The following CCDC73 variants were observed in gnomAD, a reference collection of about 807,000 sequenced individuals.
The protein encoded by CCDC73 is coiled-coil domain containing 73.
A neutral mutation model predicts 116.5 loss-of-function variants in CCDC73; 95 were observed. That is an observed-to-expected ratio of 0.82 (90% CI 0.69 to 0.97). The LOEUF (loss-of-function observed/expected upper bound fraction) is 0.97. Among genes scored for constraint, CCDC73 ranks in the 50% least tolerant of loss-of-function variants. The pLI is 0.00. For synonymous variants in CCDC73, 398 were observed against 401.3 expected (o/e 0.99, Z 0.10); for missense variants, 1,066 against 1,206.8 (o/e 0.88, Z 1.73).
intron 1 of CCDC73, among the ~76,000 whole-genome samples, chr11:32,793,617 A>AT (rs201136944): frequency 0.036 from 3,734 of 102,630 alleles, 135 homozygotes; most frequent in African/African-American, 0.11. Context: ...ATTTTATTTT[A>AT]TTTTATTTTT....
intron 6 of CCDC73, among the ~76,000 whole-genome samples, chr11:32,686,820 T>C (rs769077021): frequency 6.6e-6 from 1 of 152,214 alleles, no homozygotes; most frequent in Non-Finnish European, 1.5e-5. Context: ...TATAATTGGA[T>C]TGACATGTAG....
chr11:32,717,634 A>G (rs1005517427), intron 3 of CCDC73, among the ~76,000 whole-genome samples: 4 of 152,258 alleles, frequency 2.6e-5, no homozygotes, highest in Non-Finnish European at 4.4e-5. Flanking sequence ...TAACTTGGCA[A>G]TAAGGATTAG....
At chr11:32,636,797 G>T (rs1356523897) in intron 13 of CCDC73, among the ~76,000 whole-genome samples, 2 of 151,508 alleles carry the variant, frequency 1.3e-5, no homozygotes, top group Non-Finnish European at 2.9e-5. Context: ...TCTCTGCAAG[G>T]TATTTCTTTT....
intron 2 of CCDC73, among the ~76,000 whole-genome samples, chr11:32,726,346 CT>C (rs1294449923): frequency 2.0e-5 from 3 of 151,880 alleles, no homozygotes; most frequent in Non-Finnish European, 4.4e-5. Flanking sequence ...CCACAGAGGA[CT>C]GAAAATTATA....
chr11:32,722,023 CA>C, intron 2 of CCDC73, among the ~76,000 whole-genome samples: 1 of 152,058 alleles, frequency 6.6e-6, no homozygotes, highest in Non-Finnish European at 1.5e-5. Context: ...CCGCAAGTAA[CA>C]ACAACAAAAT....
rs544268593 is a variant in CCDC73 at position 32,745,501 on chromosome 11, G to A, written c.135+14608C>T. 1.6e-4 allele frequency among the ~76,000 whole-genome samples: 24 copies of A among 152,238 alleles called. No individual in the cohort carries two copies. The East Asian group carries it at 2.5e-3, about 16-fold the overall frequency. On this transcript the variant is annotated intron_variant, in intron 2 of 17. Coordinates refer to ENST00000335185, the MANE Select transcript of CCDC73 (RefSeq NM_001008391.4). ...GTTGATCTAATATTGACATTGGGGT[G>A]TTAAAGTCTCCCACTATTATTGTGT...
rs755415957 is a variant in CCDC73, at chr11:32,603,013, G to T, written c.3038C>A (p.Thr1013Lys). 3.7e-5 allele frequency: 59 copies of T among 1,590,358 alleles called. No individual in the cohort carries two copies. In the South Asian group the frequency reaches 4.3e-4, roughly 12 times the overall value. ...DSSFPTEHVK[T>K]KPLISTPLQS... ...TAGTGGAGTTGATATCAGAGGCTTT[G>T]TTTTCACCTGGGAAAGATAAACTAA... The change falls in exon 18 of 18, where the codon ACA becomes AAA. Residue 1013 changes from threonine (T) to lysine (K), a missense_variant. Coordinates refer to ENST00000335185, the MANE Select transcript of CCDC73 (RefSeq NM_001008391.4).
chr11:32,742,806 T>C lies in CCDC73; in HGVS notation c.135+17303A>G, dbSNP rs556591703. 2.0e-5 allele frequency among the ~76,000 whole-genome samples: 3 copies of C among 152,318 alleles called. No individual in the cohort carries two copies. The South Asian group carries it at 6.2e-4, about 32-fold the overall frequency. On this transcript the variant is annotated intron_variant, in intron 2 of 17. Transcript: ENST00000335185. ...GGTCCTAGGTCTTTCATTTAAGTCT[T>C]TGATCCATCTTGAGTTGATTTTTGT...
At chr11:32,724,999 T>C (rs1850018965) in intron 2 of CCDC73, among the ~76,000 whole-genome samples, 1 of 152,170 alleles carries the variant, frequency 6.6e-6, no homozygotes, top group Non-Finnish European at 1.5e-5. Context: ...TTCAATTTTT[T>C]TCAAATATTA....
At chr11:32,712,933 A>G (rs926636421) in intron 3 of CCDC73, among the ~76,000 whole-genome samples, 12 of 152,096 alleles carry the variant, frequency 7.9e-5, no homozygotes, top group Non-Finnish European at 1.6e-4. Context: ...AAATATTTTG[A>G]TAATCAATAA....
At chr11:32,791,356 T>C (rs1016851343) in intron 1 of CCDC73, among the ~76,000 whole-genome samples, 1 of 152,238 alleles carries the variant, frequency 6.6e-6, no homozygotes, top group Non-Finnish European at 1.5e-5. Context: ...GCCCACAAGA[T>C]ACATTTCTAA....
At chr11:32,629,770 CAAAA>C (rs33970031) in intron 14 of CCDC73, among the ~76,000 whole-genome samples, 1 of 121,628 alleles carries the variant, frequency 8.2e-6, no homozygotes, top group Non-Finnish European at 1.7e-5. Flanking sequence ...CAATGCAAGC[CAAAA>C]AAAAAAAAAA....
intron 2 of CCDC73, among the ~76,000 whole-genome samples, chr11:32,725,967 C>T (rs529625556): frequency 2.6e-5 from 4 of 152,286 alleles, no homozygotes; most frequent in Admixed American, 2.6e-4. Flanking sequence ...AAGAGCTACA[C>T]TTTTAGAGTA....
chr11:32,675,876 T>C lies in CCDC73; in HGVS notation c.565+10A>G. On this transcript the variant is annotated intron_variant, in intron 8 of 17. Transcript: ENST00000335185. ...ACTGAATATGTATATTTAAATAAGA[T>C]AGCACATACCATTTTGTTCTAACTT... is the stretch of plus-strand genomic sequence containing the variant. 6.3e-7 allele frequency: 1 copy of C among 1,582,374 alleles called. No homozygotes were observed. The highest frequency in any genetic ancestry group is 8.6e-7 in the Non-Finnish European group (1 of 1,163,990).
the CCDC73 span, among the ~76,000 whole-genome samples, chr11:32,801,101 TACA>T: frequency 6.6e-6 from 1 of 152,284 alleles, no homozygotes; most frequent in African/African-American, 2.4e-5. Flanking sequence ...CACATTTATA[TACA>T]ACAACATAAA....
At chr11:32,783,260 G>A (rs1447202669) in intron 1 of CCDC73, among the ~76,000 whole-genome samples, 1 of 152,100 alleles carries the variant, frequency 6.6e-6, no homozygotes, top group African/African-American at 2.4e-5. Flanking sequence ...CAGTTTAAAG[G>A]GAAAATGATT....
At chr11:32,824,114 C>T in the CCDC73 span, among the ~76,000 whole-genome samples, 5 of 152,032 alleles carry the variant, frequency 3.3e-5, no homozygotes, top group South Asian at 6.2e-4. Context: ...AGGCTGGTCT[C>T]GAATTCCTGA....
At chr11:32,647,254 T>G (rs987915822) in intron 12 of CCDC73, among the ~76,000 whole-genome samples, 1 of 152,118 alleles carries the variant, frequency 6.6e-6, no homozygotes, top group Non-Finnish European at 1.5e-5. Flanking sequence ...GAAGGTGAAG[T>G]GGGAGCTTGC....
the CCDC73 span, among the ~76,000 whole-genome samples, chr11:32,820,207 T>C: frequency 6.6e-6 from 1 of 152,120 alleles, no homozygotes; most frequent in Non-Finnish European, 1.5e-5. Context: ...GACTGGAGTG[T>C]AGTGGCGTGT....
Sources: allele counts gnomAD v4.1 joint callset (sites outside exome capture counted in the v4.1 genomes callset), GRCh38; gene constraint gnomAD v4.1.1; transcripts MANE v1.5; gene names NCBI Gene and HGNC (gene_info 2026-07-23, HGNC 2026-07-21).